TUT1: variants seen among roughly 807,000 people sequenced by gnomAD.
TUT1 encodes terminal uridylyl transferase 1, U6 snRNA-specific.
TUT1 carries 26 observed loss-of-function variants against 48.8 expected under a neutral mutation model. The observed-to-expected ratio is 0.53, with a 90% CI of 0.39 to 0.74. The LOEUF (loss-of-function observed/expected upper bound fraction) is 0.74, where lower values mean the gene tolerates loss of function less well. TUT1 is among the 30% of genes least tolerant of loss of function. The probability of loss-of-function intolerance (pLI) is 0.00; values close to 1 mark genes in which losing one functional copy is unlikely to be tolerated. For missense variants in TUT1, 1,065 were observed against 1,114.8 expected (o/e 0.96, Z 0.64); for synonymous variants, 470 against 460.8 (o/e 1.02, Z -0.26).
At chr11:62,576,551 A>G in intron 8 of TUT1, 106 bp downstream of exon 8, 1 of 1,033,280 alleles carries the variant, frequency 9.7e-7, no homozygotes, top group Non-Finnish European at 1.5e-6. Flanking sequence ...TAGGTATCTC[A>G]CAGGCTTTCT....
intron 5 of TUT1, 165 bp from the exon 6 acceptor site, chr11:62,577,456 A>C (rs1941748204): frequency 1.5e-5 from 9 of 618,950 alleles, no homozygotes; most frequent in Non-Finnish European, 2.3e-5. Context: ...GAAAGGACAA[A>C]GGAGTTCGGG....
At chr11:62,581,015 A>G (rs1941815574) in intron 4 of TUT1, 91 bp downstream of exon 4, 10 of 927,868 alleles carry the variant, frequency 1.1e-5, no homozygotes, top group Non-Finnish European at 1.7e-5. Flanking sequence ...TAGATGAGGA[A>G]CTAAGACATG....
chr11:62,590,215 G>A (rs988836965), intron 1 of TUT1, among the ~76,000 whole-genome samples: 11 of 152,206 alleles, frequency 7.2e-5, no homozygotes, highest in African/African-American at 2.7e-4. Context: ...AAGTAGGGCT[G>A]GGCACATTGG....
chr11:62,578,883 T>C lies in TUT1; in HGVS notation c.838A>G (p.Thr280Ala), dbSNP rs142707989. ...PQDSEALDFE[T>A]PSSSLAPQTP... ...TGGGGCGCCAGGGAGGAGGAAGGGG[T>C]TTCAAAGTCCAGGGCTTCAGAATCC... Residue 280 changes from threonine to alanine, a missense_variant, in exon 5 of 9, where the codon ACC becomes GCC. Thr to Ala is a moderately conservative substitution (Grantham distance 58). Coordinates refer to ENST00000476907, the MANE Select transcript of TUT1 (RefSeq NM_022830.3). 1.2e-6 allele frequency: 2 copies of C among 1,607,304 alleles called. No homozygotes were observed. Among genetic ancestry groups the C allele is most frequent in the East Asian group, 2.2e-5 (1 of 44,778 alleles).
chr11:62,585,717 G>A (rs190644278), intron 2 of TUT1, among the ~76,000 whole-genome samples: 6 of 152,302 alleles, frequency 3.9e-5, no homozygotes, highest in Admixed American at 3.3e-4. Flanking sequence ...TGTAAACCCA[G>A]CTACTCAGGA....
chr11:62,578,516 G>A (rs1237848029), intron 5 of TUT1, 45 bp downstream of exon 5: 1 of 1,529,732 alleles, frequency 6.5e-7, no homozygotes, highest in Non-Finnish European at 8.8e-7. Flanking sequence ...CTGTACTCCA[G>A]CCTGGGCAAC....
Position 62,578,687 on chromosome 11 carries a change from C to T in TUT1, c.1034G>A (p.Gly345Glu). ...AGGGACACAGCCCCGGAGAATGGATCCCACCAGCTCCAGCATTGCTGCCCC... is the reference window on the plus strand; with the variant it reads ...AGGGACACAGCCCCGGAGAATGGATTCCACCAGCTCCAGCATTGCTGCCCC... ...AEGAAMLELV[G>E]SILRGCVPGV... The change falls in exon 5 of 9, where the codon GGA becomes GAA. Residue 345 changes from glycine (G) to glutamate (E), a missense_variant. Physicochemically the swap from Gly to Glu is moderately conservative, Grantham distance 98. Coordinates refer to ENST00000476907, the MANE Select transcript of TUT1 (RefSeq NM_022830.3). 6.2e-7 allele frequency: 1 copy of T among 1,614,214 alleles called. No homozygotes were observed. Among genetic ancestry groups the T allele is most frequent in the Non-Finnish European group, 8.5e-7 (1 of 1,180,040 alleles).
rs752379553 is a variant in TUT1 at position 62,575,086 on chromosome 11, C to T, written c.*8G>A. On this transcript the variant is annotated 3_prime_UTR_variant, in exon 9 of 9. Coordinates refer to ENST00000476907, the MANE Select transcript of TUT1 (RefSeq NM_022830.3). Reference sequence around the variant, plus strand: ...TAGCAGCTTTATTGCCCTTCAGGGGCCATGTCTTCACTTGAGATGTCGAAT... The same window carrying T: ...TAGCAGCTTTATTGCCCTTCAGGGGTCATGTCTTCACTTGAGATGTCGAAT... The T allele has an allele frequency of 3.2e-6, 5 of 1,554,936 alleles. No homozygotes were observed. The Admixed American group carries it at 5.8e-5, about 18-fold the overall frequency.
At position 62,578,658 on chromosome 11, in the gene TUT1, C is replaced by A; in HGVS notation, c.1063G>T (p.Val355Leu). ...GAGGGCACAGTTTGGACTCGATACACCCCAGGGACACAGCCCCGGAGAATG... is the reference window on the plus strand; with the variant it reads ...GAGGGCACAGTTTGGACTCGATACAACCCAGGGACACAGCCCCGGAGAATG... ...GSILRGCVPGVYRVQTVPSAR... is the reference protein window; with the variant it reads ...GSILRGCVPGLYRVQTVPSAR... The change falls in exon 5 of 9, where the codon GTG becomes TTG. Residue 355 changes from valine (V) to leucine (L), a missense_variant. Physicochemically the swap from Val to Leu is conservative, Grantham distance 32. Transcript: ENST00000476907. The A allele has an allele frequency of 6.2e-7, 1 of 1,614,222 alleles. No individual in the cohort carries two copies. Among genetic ancestry groups the A allele is most frequent in the Non-Finnish European group, 8.5e-7 (1 of 1,180,040 alleles).
rs372661070 is a variant in TUT1, at chr11:62,576,760, A to G, written c.1382-11T>C. 2.5e-6 allele frequency: 4 copies of G among 1,613,804 alleles called. No individual in the cohort carries two copies. Among genetic ancestry groups the G allele is most frequent in the Non-Finnish European group, 3.4e-6 (4 of 1,179,794 alleles). On this transcript the variant is annotated splice_polypyrimidine_tract_variant and intron_variant, in intron 7 of 8. Coordinates refer to ENST00000476907, the MANE Select transcript of TUT1 (RefSeq NM_022830.3). ...CCTGTTCCCCCTCTCCTGTGAAAGT[A>G]AATAAGGTGAGAGTCAGTCTGGAAG...
intron 8 of TUT1, 76 bp downstream of exon 8, chr11:62,576,581 C>T: frequency 1.6e-6 from 2 of 1,267,016 alleles, no homozygotes; most frequent in South Asian, 1.2e-5. Flanking sequence ...ATGCCTGGCA[C>T]ACAGTTAGTG....
chr11:62,576,642 G>A lies in TUT1; in HGVS notation c.1474+15C>T. 6.2e-7 allele frequency: 1 copy of A among 1,609,858 alleles called. No homozygotes were observed. The highest frequency in any genetic ancestry group is 1.1e-5 in the South Asian group (1 of 90,954). ...AACATCATTACTAGTCCTCTACCAG[G>A]CTCCCCAAACTCACTGAGGGGCTCC... On this transcript the variant is annotated intron_variant, in intron 8 of 8. Transcript: ENST00000476907.
Position 62,577,198 on chromosome 11 carries a change from C to G in TUT1, c.1254G>C (p.Gln418His). ...CATTCTCACCTGACAGCCCCCGACC[C>G]TGAGCCCAGCAGCGGAGGGTGTACA... The part of the protein sequence containing the change: ...PLVYTLRCWA[Q>H]GRGLSGSGPL... The change falls in exon 6 of 9, where the codon CAG becomes CAC. Residue 418 changes from glutamine to histidine, a missense_variant. By Grantham distance (24) the Gln-to-His change is conservative. Transcript: ENST00000476907. 6.2e-7 allele frequency: 1 copy of G among 1,609,754 alleles called. No homozygotes were observed. Among genetic ancestry groups the G allele is most frequent in the South Asian group, 1.1e-5 (1 of 90,680 alleles).
chr11:62,589,095 G>A lies in TUT1; in HGVS notation c.209C>T (p.Ala70Val). ...TGCTAGGAAGTACTCAGAGAGCTGAGCAGAATCCACATCCCTGGGAAAGCC... is the reference window on the plus strand; with the variant it reads ...TGCTAGGAAGTACTCAGAGAGCTGAACAGAATCCACATCCCTGGGAAAGCC... ...VSGFPRDVDS[A>V]QLSEYFLAFG... Residue 70 changes from alanine (A) to valine (V), a missense_variant, in exon 2 of 9, where the codon GCT (alanine) becomes GTT (valine). Physicochemically the swap from Ala to Val is moderately conservative, Grantham distance 64. Transcript: ENST00000476907. The A allele has an allele frequency of 6.2e-7, 1 of 1,614,216 alleles. No individual in the cohort carries two copies. The highest frequency in any genetic ancestry group is 8.5e-7 in the Non-Finnish European group (1 of 1,180,050).
At position 62,576,079 on chromosome 11, in the gene TUT1, A is replaced by T. The variant is rs1266265108; in HGVS notation, c.1640T>A (p.Leu547Gln). Residue 547 changes from leucine to glutamine, a missense_variant, in exon 9 of 9, where the codon CTG becomes CAG. Physicochemically the swap from Leu to Gln is moderately radical, Grantham distance 113. Transcript: ENST00000476907. The part of the protein sequence containing the change: ...GPLNLQDPFD[L>Q]SHNVAANVTS... Reference sequence around the variant, plus strand: ...CACATTGGCTGCGACATTGTGACTCAGGTCAAAAGGGTCCTGGAGATTCAG... The same window carrying T: ...CACATTGGCTGCGACATTGTGACTCTGGTCAAAAGGGTCCTGGAGATTCAG... The T allele has an allele frequency of 1.2e-6, 2 of 1,613,938 alleles. No individual in the cohort carries two copies. Among genetic ancestry groups the T allele is most frequent in the East Asian group, 2.2e-5 (1 of 44,876 alleles).
chr11:62,577,358 A>G, intron 5 of TUT1, 67 bp from the exon 6 acceptor site: 1 of 1,276,322 alleles, frequency 7.8e-7, no homozygotes, highest in Non-Finnish European at 1.1e-6. Context: ...CCCAGCTTTC[A>G]TTCCAGACTT....
intron 8 of TUT1, chr11:62,576,448 C>G: frequency 1.3e-6 from 1 of 787,810 alleles, no homozygotes; most frequent in Non-Finnish European, 2.0e-6. Flanking sequence ...TGCCCAGATG[C>G]TGCTGCTCCT....
At chr11:62,584,591 C>T (rs1941879676) in intron 2 of TUT1, among the ~76,000 whole-genome samples, 1 of 150,868 alleles carries the variant, frequency 6.6e-6, no homozygotes, top group Non-Finnish European at 1.5e-5. Context: ...TATAGGTGCC[C>T]ACCACCACAC....
In TUT1 at chr11:62,584,087, T is replaced by C. The variant is rs536060751; in HGVS notation, c.274-2386A>G. Among the ~76,000 whole-genome samples, 5 of 152,094 alleles carry C rather than the reference T, an allele frequency of 3.3e-5. No homozygotes were observed. The East Asian group carries it at 9.7e-4, about 29-fold the overall frequency. On this transcript the variant is annotated intron_variant, in intron 2 of 8. Coordinates refer to ENST00000476907, the MANE Select transcript of TUT1 (RefSeq NM_022830.3). ...AACATTCTGGAATCAGTCATGAGGGTTGAAGAACCCTGTGAATATACTAAC... is the reference window on the plus strand; with the variant it reads ...AACATTCTGGAATCAGTCATGAGGGCTGAAGAACCCTGTGAATATACTAAC...
Sources: allele counts gnomAD v4.1 joint callset (sites outside exome capture counted in the v4.1 genomes callset), GRCh38; gene constraint gnomAD v4.1.1; transcripts MANE v1.5; gene names NCBI Gene and HGNC (gene_info 2026-07-23, HGNC 2026-07-21).